The following RGS6 variants were observed in gnomAD, a reference collection of about 807,000 sequenced individuals.
RGS6 encodes regulator of G-protein signaling 6.
Under a neutral mutation model 78.5 loss-of-function variants are expected in RGS6, and 30 were observed. The observed-to-expected ratio is 0.38, with a 90% CI of 0.29 to 0.52. The LOEUF is 0.52. Among genes scored for constraint, RGS6 ranks in the 20% least tolerant of loss-of-function variants. RGS6 has a pLI of 0.85. For synonymous variants in RGS6, 206 were observed against 206.0 expected (o/e 1.00, Z 0.00); for missense variants, 495 against 609.7 (o/e 0.81, Z 1.98).
intron 2 of RGS6, among the ~76,000 whole-genome samples, chr14:71,981,415 G>A (rs2094445089): frequency 6.6e-6 from 1 of 152,170 alleles, no homozygotes; most frequent in Non-Finnish European, 1.5e-5. Flanking sequence ...GGTGTTTGAT[G>A]ATGGTGATGT....
chr14:72,002,634 T>C (rs1219391314), intron 2 of RGS6, among the ~76,000 whole-genome samples: 2 of 152,082 alleles, frequency 1.3e-5, no homozygotes, highest in East Asian at 3.9e-4. Context: ...CCTGGGCTCC[T>C]TGGGGATGGC....
At chr14:72,155,420 T>C (rs2096756117) in intron 2 of RGS6, among the ~76,000 whole-genome samples, 1 of 152,218 alleles carries the variant, frequency 6.6e-6, no homozygotes, top group Admixed American at 6.5e-5. Context: ...GGCCAGCTTA[T>C]TCAACCTCCC....
intron 3 of RGS6, among the ~76,000 whole-genome samples, chr14:72,368,610 C>T (rs2082865134): frequency 6.6e-6 from 1 of 152,144 alleles, no homozygotes; most frequent in South Asian, 2.1e-4. Context: ...TCCCTGCCTC[C>T]CTCTTGCTTC....
chr14:72,231,298 C>T (rs934490250), intron 2 of RGS6, among the ~76,000 whole-genome samples: 2 of 151,050 alleles, frequency 1.3e-5, no homozygotes, highest in African/African-American at 2.4e-5. Flanking sequence ...ATCATTGTTA[C>T]GATTTCATTT....
intron 2 of RGS6, among the ~76,000 whole-genome samples, chr14:72,179,428 A>G (rs1334044809): frequency 1.3e-5 from 2 of 152,194 alleles, no homozygotes; most frequent in Non-Finnish European, 2.9e-5. Flanking sequence ...TGGTAGGTCC[A>G]GTGTTTATTA....
In RGS6 at chr14:72,425,499, G is replaced by A. The variant is rs1223962922; in HGVS notation, c.185-29029G>A. On this transcript the variant is annotated intron_variant, in intron 3 of 17. Transcript: ENST00000553525. ...AACTGTTACATCCTTAATACTTAACGAATTCCTGTTAATCAGTATACAAAT... is the reference window on the plus strand; with the variant it reads ...AACTGTTACATCCTTAATACTTAACAAATTCCTGTTAATCAGTATACAAAT... 3.9e-5 allele frequency among the ~76,000 whole-genome samples: 6 copies of A among 152,106 alleles called. No homozygotes were observed. The South Asian group carries it at 8.3e-4, about 21-fold the overall frequency.
chr14:72,324,894 T>C (rs930782399), intron 2 of RGS6, among the ~76,000 whole-genome samples: 4 of 152,204 alleles, frequency 2.6e-5, no homozygotes, highest in Admixed American at 6.5e-5. Flanking sequence ...CTGGGTCAAA[T>C]GGTATTTCTA....
chr14:72,168,328 A>C (rs1214673655), intron 2 of RGS6, among the ~76,000 whole-genome samples: 1 of 152,122 alleles, frequency 6.6e-6, no homozygotes, highest in Admixed American at 6.5e-5. Context: ...TTAGGAATGT[A>C]GGCTCAGGAA....
intron 3 of RGS6, among the ~76,000 whole-genome samples, chr14:72,410,252 C>G (rs1436456160): frequency 6.6e-6 from 1 of 152,180 alleles, no homozygotes; most frequent in African/African-American, 2.4e-5. Context: ...TAATGATTGC[C>G]ATTCTAACTG....
chr14:72,396,894 A>T (rs1035743874), intron 3 of RGS6, among the ~76,000 whole-genome samples: 1 of 152,080 alleles, frequency 6.6e-6, no homozygotes, highest in Admixed American at 6.5e-5. Flanking sequence ...GTCCTTTTCC[A>T]TTGGTCTATA....
intron 2 of RGS6, among the ~76,000 whole-genome samples, chr14:72,016,932 T>C (rs2087140399): frequency 6.6e-6 from 1 of 152,248 alleles, no homozygotes; most frequent in African/African-American, 2.4e-5. Context: ...ATGGTATAGC[T>C]ATGTTTATTT....
chr14:72,356,730 T>C (rs2080372272), intron 3 of RGS6, among the ~76,000 whole-genome samples: 1 of 152,194 alleles, frequency 6.6e-6, no homozygotes, highest in Admixed American at 6.5e-5. Flanking sequence ...GATCTGATGA[T>C]TTCATAAGGG....
intron 2 of RGS6, among the ~76,000 whole-genome samples, chr14:72,314,533 T>G (rs2069544654): frequency 6.6e-6 from 1 of 150,530 alleles, no homozygotes; most frequent in African/African-American, 2.5e-5. Flanking sequence ...TTTTCCCGCC[T>G]TTTTCCTGGT....
chr14:71,997,714 C>T (rs1457230637), intron 2 of RGS6, among the ~76,000 whole-genome samples: 1 of 152,090 alleles, frequency 6.6e-6, no homozygotes, highest in East Asian at 1.9e-4. Context: ...GCCTGGGGGT[C>T]AGAGTTCTGG....
At chr14:72,265,948 G>C (rs1292934527) in intron 2 of RGS6, among the ~76,000 whole-genome samples, 2 of 142,646 alleles carry the variant, frequency 1.4e-5, no homozygotes, top group East Asian at 2.2e-4. Flanking sequence ...TGGGGGGGGG[G>C]GCGGGAGGCA....
At chr14:72,497,782 A>G (rs1363706267) in intron 13 of RGS6, among the ~76,000 whole-genome samples, 2 of 152,154 alleles carry the variant, frequency 1.3e-5, no homozygotes, top group African/African-American at 4.8e-5. Flanking sequence ...AGCCCTAGGT[A>G]GTTCCTTCTA....
chr14:72,550,671 C>G, intron 17 of RGS6: 1 of 1,474,934 alleles, frequency 6.8e-7, no homozygotes, highest in Non-Finnish European at 9.0e-7. Context: ...AGGAGTCAAT[C>G]AATCACTAGC....
intron 2 of RGS6, among the ~76,000 whole-genome samples, chr14:72,067,684 A>AAAAAT (rs569886238): frequency 2.0e-5 from 3 of 152,222 alleles, no homozygotes; most frequent in African/African-American, 7.2e-5. Context: ...AAAAACTTAA[A>AAAAAT]AAAATAAAAT....
chr14:71,938,886 A>G (rs1266100981), intron 1 of RGS6, among the ~76,000 whole-genome samples: 1 of 152,198 alleles, frequency 6.6e-6, no homozygotes, highest in South Asian at 2.1e-4. Context: ...AGAAGATGAC[A>G]GGGCCTTGCT....
Sources: gnomAD v4.1 joint callset for allele counts (sites outside exome capture counted in the v4.1 genomes callset) on GRCh38, gnomAD v4.1.1 for gene constraint, MANE v1.5 for transcripts, NCBI Gene and HGNC (gene_info 2026-07-23, HGNC 2026-07-21) for gene names.